The following TRPV2 variants were observed in gnomAD, a reference collection of about 807,000 sequenced individuals.
TRPV2 encodes the protein transient receptor potential cation channel subfamily V member 2.
TRPV2 carries 58 observed loss-of-function variants against 91.0 expected under a neutral mutation model. The observed-to-expected ratio is 0.64, with a 90% confidence interval of 0.52 to 0.79. TRPV2 has a LOEUF of 0.79. Among genes scored for constraint, TRPV2 ranks in the 30% least tolerant of loss-of-function variants. The pLI is 0.00. For missense variants in TRPV2, 807 were observed against 969.6 expected (o/e 0.83, Z 2.23); for synonymous variants, 417 against 414.8 (o/e 1.01, Z -0.06).
Position 16,422,772 on chromosome 17 carries a change from GC to G in TRPV2, c.510del (p.Ile171LeufsTer9). On this transcript the variant is annotated frameshift_variant, in exon 4 of 15. Coordinates refer to ENST00000338560, the MANE Select transcript of TRPV2 (RefSeq NM_016113.5). LOFTEE classifies it high-confidence loss of function. Reference protein sequence around the residue: ...YYRGHSALHIAIEKRSLQCVK... With the variant: ...YYRGHSALHIXIEKRSLQCVK... ...CCGAGGCCACAGCGCTCTGCACATC[GC>G]CATTGAGAAGAGGAGTCTGCAGTGT... The G allele has an allele frequency of 6.3e-7, 1 of 1,574,928 alleles. No homozygotes were observed. Among genetic ancestry groups the G allele is most frequent in the Non-Finnish European group, 8.6e-7 (1 of 1,158,706 alleles).
At chr17:16,428,728 TGGA>T in intron 9 of TRPV2, 86 bp from the exon 10 acceptor site, 1 of 1,486,070 alleles carries the variant, frequency 6.7e-7, no homozygotes, top group Non-Finnish European at 9.2e-7. Flanking sequence ...TTGCCTAAGA[TGGA>T]GGTCAGGACC....
At chr17:16,429,284 C>A (rs918107962) in intron 10 of TRPV2, among the ~76,000 whole-genome samples, 1 of 152,204 alleles carries the variant, frequency 6.6e-6, no homozygotes, top group Non-Finnish European at 1.5e-5. Context: ...CTGTGTCCTG[C>A]GATGTGTGGG....
rs1383698476 is a variant in TRPV2 at position 16,432,151 on chromosome 17, G to C, written c.1840G>C (p.Glu614Gln). ...TIGMGELAFQ[E>Q]QLHFRGMVLL... Reference sequence around the variant, plus strand: ...CGGCATGGGCGAGCTGGCCTTCCAGGAGCAGCTGCACTTCCGCGGCATGGT... The same window carrying C: ...CGGCATGGGCGAGCTGGCCTTCCAGCAGCAGCTGCACTTCCGCGGCATGGT... The change falls in exon 12 of 15, where the codon GAG becomes CAG. Residue 614 changes from glutamate to glutamine, a missense_variant. By Grantham distance (29) the Glu-to-Gln change is conservative. Transcript: ENST00000338560. The C allele has an allele frequency of 6.2e-7, 1 of 1,614,230 alleles. No individual in the cohort carries two copies. Among genetic ancestry groups the C allele is most frequent in the Non-Finnish European group, 8.5e-7 (1 of 1,180,038 alleles).
intron 10 of TRPV2, 81 bp from the exon 11 acceptor site, chr17:16,431,703 C>A: frequency 7.7e-7 from 1 of 1,302,340 alleles, no homozygotes; most frequent in Non-Finnish European, 1.1e-6. Flanking sequence ...GGGAACCATG[C>A]TGCTGTGGGT....
At position 16,428,830 on chromosome 17, in the gene TRPV2, C is replaced by T. The variant is rs1462092176; in HGVS notation, c.1435C>T (p.Leu479=). The T allele has an allele frequency of 6.2e-7, 1 of 1,613,476 alleles. No individual in the cohort carries two copies. Residue 479 remains leucine (L), a synonymous_variant, in exon 10 of 15, where the codon CTG becomes TTG. Coordinates refer to ENST00000338560, the MANE Select transcript of TRPV2 (RefSeq NM_016113.5). ...YFEILFLFQA[L]LTVVSQVLCF... is the part of the protein sequence containing the mutation. The stretch of plus-strand genomic sequence containing the variant: ...GCTCCCACACAGCCTGTTCCAGGCC[C>T]TGCTCACAGTGGTGTCCCAGGTGCT...
At chr17:16,430,487 C>CTT (rs576176898) in intron 10 of TRPV2, among the ~76,000 whole-genome samples, 90 of 80,474 alleles carry the variant, frequency 1.1e-3, no homozygotes, top group African/African-American at 2.1e-3. Flanking sequence ...AAATGCCTTC[C>CTT]TTTTTTTTTT....
intron 12 of TRPV2, among the ~76,000 whole-genome samples, chr17:16,432,504 G>A (rs964465709): frequency 2.0e-4 from 29 of 148,328 alleles, no homozygotes; most frequent in African/African-American, 6.7e-4. Flanking sequence ...GCAGTGGCAC[G>A]ATCACAGCTC....
At chr17:16,431,292 T>TATATATATACACATA (rs1491493192) in intron 10 of TRPV2, among the ~76,000 whole-genome samples, 5 of 16,294 alleles carry the variant, frequency 3.1e-4, no homozygotes, top group African/African-American at 1.7e-3. Context: ...TATATACATA[T>TATATATATACACATA]TTTTTTTTTT....
In TRPV2 at chr17:16,420,098, A is replaced by G; in HGVS notation, c.201-17A>G. The G allele has an allele frequency of 1.2e-6, 2 of 1,608,682 alleles. No homozygotes were observed. Among genetic ancestry groups the G allele is most frequent in the Non-Finnish European group, 1.7e-6 (2 of 1,176,196 alleles). ...TGGTTCTTCTCCAGCATGAGTCACA[A>G]ACCACATCCTCCACAGTCAGCCGGA... On this transcript the variant is annotated splice_polypyrimidine_tract_variant and intron_variant, in intron 2 of 14. Coordinates refer to ENST00000338560, the MANE Select transcript of TRPV2 (RefSeq NM_016113.5).
At chr17:16,433,423 T>G in intron 12 of TRPV2, 151 bp from the exon 13 acceptor site, 9 of 1,114,024 alleles carry the variant, frequency 8.1e-6, no homozygotes, top group African/African-American at 3.1e-5. Context: ...GGTAACCGGA[T>G]GTTGGAGCCA....
intron 1 of TRPV2, among the ~76,000 whole-genome samples, chr17:16,417,052 C>A (rs986853282): frequency 2.0e-5 from 3 of 152,074 alleles, no homozygotes; most frequent in African/African-American, 7.2e-5. Flanking sequence ...ATGGCTCTTC[C>A]TGGGGGACAA....
At chr17:16,428,673 C>T in intron 9 of TRPV2, 144 bp from the exon 10 acceptor site, 1 of 875,194 alleles carries the variant, frequency 1.1e-6, no homozygotes. Context: ...TTATTATGCC[C>T]ATTTTACAGT....
In TRPV2 at chr17:16,417,724, A is replaced by G. The variant is rs189163490; in HGVS notation, c.56A>G (p.Gln19Arg). The G allele has an allele frequency of 3.7e-6, 6 of 1,614,190 alleles. No homozygotes were observed. The Admixed American group carries it at 1.0e-4, about 27-fold the overall frequency. Residue 19 changes from glutamine to arginine, a missense_variant, in exon 2 of 15, where the codon CAA (glutamine) becomes CGA (arginine). Gln to Arg is a conservative substitution (Grantham distance 43). Coordinates refer to ENST00000338560, the MANE Select transcript of TRPV2 (RefSeq NM_016113.5). ...AGGTTGGAGACATTAGATGGAGGCC[A>G]AGAAGATGGCTCTGAGGCGGACAGA... is the stretch of plus-strand genomic sequence containing the variant. ...VFRLETLDGG[Q>R]EDGSEADRGK...
Position 16,431,829 on chromosome 17 carries a change from T to G in TRPV2, c.1633T>G (p.Phe545Val). The G allele has an allele frequency of 6.2e-7, 1 of 1,614,168 alleles. No homozygotes were observed. The highest frequency in any genetic ancestry group is 1.3e-5 in the African/African-American group (1 of 75,036). The change falls in exon 11 of 15, where the codon TTC becomes GTC. Residue 545 changes from phenylalanine to valine, a missense_variant. Physicochemically the swap from Phe to Val is conservative, Grantham distance 50. Transcript: ENST00000338560. ...LLRFLLIYLV[F>V]LFGFAVALVS... ...GCGCTTCCTTCTGATCTACTTAGTC[T>G]TCCTTTTCGGCTTCGCTGTAGGTAA...
intron 3 of TRPV2, among the ~76,000 whole-genome samples, chr17:16,420,629 T>A (rs1243708131): frequency 6.6e-6 from 1 of 152,232 alleles, no homozygotes; most frequent in Non-Finnish European, 1.5e-5. Flanking sequence ...AATCTAAATA[T>A]CTGTATTGTT....
At chr17:16,429,065 G>A in intron 10 of TRPV2, 83 bp downstream of exon 10, 4 of 1,477,858 alleles carry the variant, frequency 2.7e-6, no homozygotes, top group Non-Finnish European at 3.7e-6. Context: ...CCTAGGCAGA[G>A]GAGGGCATGT....
chr17:16,436,404 C>G (rs1481501470), intron 14 of TRPV2, among the ~76,000 whole-genome samples: 1 of 152,188 alleles, frequency 6.6e-6, no homozygotes, highest in Non-Finnish European at 1.5e-5. Flanking sequence ...CTTGGTTCAT[C>G]TCTGGATTCG....
In TRPV2 at chr17:16,431,837, C is replaced by A. The variant is rs142023889; in HGVS notation, c.1641C>A (p.Phe547Leu). 6.2e-7 allele frequency: 1 copy of A among 1,614,140 alleles called. No individual in the cohort carries two copies. The highest frequency in any genetic ancestry group is 1.7e-5 in the Admixed American group (1 of 60,020). Residue 547 changes from phenylalanine to leucine, a missense_variant, in exon 11 of 15, where the codon TTC becomes TTA. Physicochemically the swap from Phe to Leu is conservative, Grantham distance 22. Transcript: ENST00000338560. Reference protein sequence around the residue: ...RFLLIYLVFLFGFAVALVSLS... With the variant: ...RFLLIYLVFLLGFAVALVSLS... ...TTCTGATCTACTTAGTCTTCCTTTT[C>A]GGCTTCGCTGTAGGTAAAGGCTCCC...
Position 16,422,583 on chromosome 17 carries a change from T to A in TRPV2, c.335-16T>A. ...CTCAGCACCACTGTGCCCCTTCCCC[T>A]CCCTTCTTCCCACAGAGGGCTCCAC... On this transcript the variant is annotated splice_polypyrimidine_tract_variant and intron_variant, in intron 3 of 14. Coordinates refer to ENST00000338560, the MANE Select transcript of TRPV2 (RefSeq NM_016113.5). The A allele has an allele frequency of 6.2e-7, 1 of 1,607,508 alleles. No individual in the cohort carries two copies. The highest frequency in any genetic ancestry group is 8.5e-7 in the Non-Finnish European group (1 of 1,176,102).
Sources: gnomAD v4.1 joint callset for allele counts (sites outside exome capture counted in the v4.1 genomes callset) on GRCh38, gnomAD v4.1.1 for gene constraint, MANE v1.5 for transcripts, NCBI Gene and HGNC (gene_info 2026-07-23, HGNC 2026-07-21) for gene names.